The following ZNF385D variants were observed in gnomAD, a reference collection of about 807,000 sequenced individuals.
The protein encoded by ZNF385D is zinc finger protein 659.
ZNF385D carries 15 observed loss-of-function variants against 35.8 expected under a neutral mutation model. That is an observed-to-expected ratio of 0.42 (90% CI 0.28 to 0.64). The LOEUF (loss-of-function observed/expected upper bound fraction) is 0.64, where lower values mean the gene tolerates loss of function less well. ZNF385D is among the 30% of genes least tolerant of loss of function. The pLI, the probability that ZNF385D is intolerant of heterozygous loss-of-function variation, is 0.23. For missense variants in ZNF385D, 474 were observed against 494.6 expected (o/e 0.96, Z 0.39); for synonymous variants, 212 against 186.8 (o/e 1.13, Z -1.10).
At chr3:21,796,893 C>G (rs1188941027) in intron 3 of ZNF385D, among the ~76,000 whole-genome samples, 1 of 152,148 alleles carries the variant, frequency 6.6e-6, no homozygotes, top group South Asian at 2.1e-4. Flanking sequence ...GTGGGTGATA[C>G]AGGACTCTGA....
intron 3 of ZNF385D, among the ~76,000 whole-genome samples, chr3:21,847,239 TA>T (rs1401751095): frequency 6.6e-6 from 1 of 152,050 alleles, no homozygotes; most frequent in African/African-American, 2.4e-5. Context: ...AAAGAGGTGC[TA>T]CATGCAAAGG....
intron 2 of ZNF385D, among the ~76,000 whole-genome samples, chr3:22,270,300 G>C (rs1222755736): frequency 1.3e-5 from 2 of 151,946 alleles, no homozygotes; most frequent in Non-Finnish European, 2.9e-5. Flanking sequence ...AGGGGCTTTA[G>C]GACAGTATCT....
intron 2 of ZNF385D, among the ~76,000 whole-genome samples, chr3:22,229,468 A>G (rs533954365): frequency 3.3e-5 from 5 of 152,226 alleles, no homozygotes; most frequent in African/African-American, 1.2e-4. Context: ...CAGCATTGAT[A>G]TTGTTGGCTG....
intron 1 of ZNF385D, among the ~76,000 whole-genome samples, chr3:21,715,871 A>G (rs1341182998): frequency 6.6e-6 from 1 of 152,118 alleles, no homozygotes; most frequent in East Asian, 1.9e-4. Context: ...CCTACTCAGC[A>G]TTTACATTTG....
intron 1 of ZNF385D, among the ~76,000 whole-genome samples, chr3:21,702,287 G>T (rs1468247253): frequency 1.3e-5 from 2 of 152,168 alleles, no homozygotes; most frequent in South Asian, 2.1e-4. Flanking sequence ...AGCCCCTAAG[G>T]CTTGGGGCTT....
chr3:22,331,689 T>C (rs1043443061), intron 2 of ZNF385D, among the ~76,000 whole-genome samples: 3 of 152,180 alleles, frequency 2.0e-5, no homozygotes, highest in African/African-American at 7.2e-5. Context: ...TAAATTTGTA[T>C]CAGCTATAGA....
rs1702272030 is a variant in ZNF385D, at chr3:22,107,182, CCTAG to C, written c.325+61631_325+61634del. Among the ~76,000 whole-genome samples, 3 of 152,024 alleles carry C rather than the reference CCTAG, an allele frequency of 2.0e-5. No homozygotes were observed. The South Asian group carries it at 6.2e-4, about 32-fold the overall frequency. On this transcript the variant is annotated intron_variant, in intron 3 of 5. Transcript: ENST00000494108. ...GGGATTACAGGCATGTGCCACCACA[CCTAG>C]CTAATTTTTTATTCTTAATAGAGAC...
intron 3 of ZNF385D, among the ~76,000 whole-genome samples, chr3:22,030,271 A>ATC (rs1697867963): frequency 1.0e-5 from 1 of 95,564 alleles, no homozygotes; most frequent in African/African-American, 4.9e-5. Context: ...ATATATATAT[A>ATC]TATATATATA....
At chr3:22,151,539 G>C (rs148277815) in intron 3 of ZNF385D, among the ~76,000 whole-genome samples, 121 of 152,178 alleles carry the variant, frequency 8.0e-4, no homozygotes, top group Middle Eastern at 3.4e-3. Flanking sequence ...GGGTTCTCCA[G>C]ACAAACAAAC....
At chr3:22,278,824 T>C (rs1399518689) in intron 2 of ZNF385D, among the ~76,000 whole-genome samples, 2 of 152,102 alleles carry the variant, frequency 1.3e-5, no homozygotes, top group South Asian at 2.1e-4. Context: ...AGATGCTGGC[T>C]ATCTTGTGGG....
intron 3 of ZNF385D, among the ~76,000 whole-genome samples, chr3:22,117,212 G>C (rs1328751245): frequency 6.6e-6 from 1 of 151,962 alleles, no homozygotes; most frequent in East Asian, 1.9e-4. Context: ...ATTATTACAA[G>C]TAGAAGTGTG....
At chr3:21,849,608 T>TC (rs970425257) in intron 3 of ZNF385D, 8 of 76,540 alleles carry the variant, frequency 1.0e-4, no homozygotes, top group Non-Finnish European at 2.2e-4. Context: ...CCCATTTCTT[T>TC]TTTTTTTTTT....
intron 3 of ZNF385D, among the ~76,000 whole-genome samples, chr3:21,970,703 G>T (rs568787654): frequency 2.6e-5 from 4 of 152,064 alleles, no homozygotes; most frequent in Non-Finnish European, 4.4e-5. Context: ...CAATATCTAA[G>T]TACAAGAAGT....
chr3:21,805,205 G>A (rs2072585777), intron 3 of ZNF385D, among the ~76,000 whole-genome samples: 2 of 152,202 alleles, frequency 1.3e-5, no homozygotes, highest in Admixed American at 6.5e-5. Flanking sequence ...CTGTTGTATA[G>A]CATTGAAAAA....
intron 2 of ZNF385D, among the ~76,000 whole-genome samples, chr3:22,285,091 T>G (rs139948350): frequency 6.6e-4 from 100 of 152,090 alleles, no homozygotes; most frequent in Admixed American, 1.2e-3. Context: ...AGAAAAAAAT[T>G]GGAATTTTTC....
chr3:21,916,007 C>G (rs186531667), intron 3 of ZNF385D, among the ~76,000 whole-genome samples: 66 of 152,262 alleles, frequency 4.3e-4, no homozygotes, highest in Non-Finnish European at 8.1e-4. Context: ...TGACTAATAA[C>G]AGCCAGGTAT....
At chr3:22,290,197 C>G (rs76098060) in intron 2 of ZNF385D, among the ~76,000 whole-genome samples, 1,664 of 152,146 alleles carry the variant, frequency 0.011, 21 homozygotes, top group South Asian at 0.049. Flanking sequence ...TGTCTCTTCA[C>G]GGGGAAGCTG....
intron 2 of ZNF385D, among the ~76,000 whole-genome samples, chr3:21,594,512 G>A (rs2064074047): frequency 6.6e-6 from 1 of 152,088 alleles, no homozygotes; most frequent in African/African-American, 2.4e-5. Flanking sequence ...ATCCCACAAG[G>A]GCTGGAAACA....
chr3:22,004,205 C>T (rs1236300908), intron 3 of ZNF385D, among the ~76,000 whole-genome samples: 1 of 152,056 alleles, frequency 6.6e-6, no homozygotes, highest in Non-Finnish European at 1.5e-5. Context: ...GGATAGGATA[C>T]CGTCTTCAAT....
Sources: gnomAD v4.1 joint callset for allele counts (sites outside exome capture counted in the v4.1 genomes callset) on GRCh38, gnomAD v4.1.1 for gene constraint, MANE v1.5 for transcripts, NCBI Gene and HGNC (gene_info 2026-07-23, HGNC 2026-07-21) for gene names.